The following RRM1 variants were observed in gnomAD, a reference collection of about 807,000 sequenced individuals.
RRM1 encodes ribonucleotide reductase catalytic subunit M1, also known as ribonucleoside-diphosphate reductase large subunit.
A neutral mutation model predicts 101.5 loss-of-function variants in RRM1; 19 were observed. That is an observed-to-expected ratio of 0.19 (90% CI 0.13 to 0.27). The LOEUF (loss-of-function observed/expected upper bound fraction) is 0.27, where lower values mean the gene tolerates loss of function less well. RRM1 is among the 10% of genes least tolerant of loss of function. The probability of loss-of-function intolerance (pLI) is 1.00; values close to 1 mark genes in which losing one functional copy is unlikely to be tolerated. For synonymous variants in RRM1, 298 were observed against 323.4 expected, an observed-to-expected ratio of 0.92 and a Z score of 0.84; for missense variants, 500 against 962.9, an observed-to-expected ratio of 0.52 and a Z score of 6.36.
rs772514702 is a variant in RRM1 at position 4,123,330 on chromosome 11, C to G, written c.1266C>G (p.Thr422=). The part of the protein sequence containing the change: ...NRKSNQQNLG[T]IKCSNLCTEI... ...AGAGCAACCAGCAGAACCTGGGAAC[C>G]ATCAAATGCAGCAACCTGTGCACAG... The change falls in exon 12 of 19, where the codon ACC becomes ACG. Residue 422 remains threonine (T), a synonymous_variant. Coordinates refer to ENST00000300738, the MANE Select transcript of RRM1 (RefSeq NM_001033.5). 1.2e-6 allele frequency: 2 copies of G among 1,614,114 alleles called. No individual in the cohort carries two copies. The highest frequency in any genetic ancestry group is 1.7e-6 in the Non-Finnish European group (2 of 1,180,028).
At chr11:4,099,738 A>T (rs1414069182) in intron 1 of RRM1, among the ~76,000 whole-genome samples, 2 of 152,152 alleles carry the variant, frequency 1.3e-5, no homozygotes, top group African/African-American at 4.8e-5. Context: ...TGATGTGATA[A>T]AATCAACATC....
intron 16 of RRM1, 34 bp from the exon 17 acceptor site, chr11:4,133,529 T>G: frequency 7.5e-7 from 1 of 1,335,206 alleles, no homozygotes; most frequent in Non-Finnish European, 1.1e-6. Flanking sequence ...CACTGTTATT[T>G]ATTTCTTCAT....
chr11:4,117,344 T>G (rs973786124), intron 7 of RRM1, among the ~76,000 whole-genome samples: 18 of 152,234 alleles, frequency 1.2e-4, no homozygotes, highest in Non-Finnish European at 2.5e-4. Flanking sequence ...TCAAGAATTT[T>G]TATAGCAGCA....
chr11:4,097,871 T>C (rs2094545790), intron 1 of RRM1, among the ~76,000 whole-genome samples: 1 of 152,216 alleles, frequency 6.6e-6, no homozygotes, highest in African/African-American at 2.4e-5. Context: ...GGCAGCTCTA[T>C]CTTCAAAGAA....
intron 6 of RRM1, 109 bp downstream of exon 6, chr11:4,111,749 G>C: frequency 8.1e-7 from 1 of 1,230,460 alleles, no homozygotes; most frequent in Middle Eastern, 2.8e-4. Context: ...TAACATTTTG[G>C]ACTTTAGGTT....
intron 2 of RRM1, among the ~76,000 whole-genome samples, chr11:4,103,569 G>A (rs527558180): frequency 4.6e-4 from 70 of 152,238 alleles, no homozygotes; most frequent in African/African-American, 1.7e-3. Flanking sequence ...TTGAAAAACT[G>A]TCGGTGCACA....
At chr11:4,136,713 C>T (rs142278085) in intron 18 of RRM1, among the ~76,000 whole-genome samples, 9 of 151,220 alleles carry the variant, frequency 6.0e-5, no homozygotes, top group Non-Finnish European at 8.8e-5. Context: ...TGAGCCACAG[C>T]GCCCAGCCAG....
chr11:4,131,690 T>G (rs1483360470), intron 15 of RRM1, among the ~76,000 whole-genome samples: 2 of 152,242 alleles, frequency 1.3e-5, no homozygotes, highest in African/African-American at 4.8e-5. Context: ...ATAGTGTATT[T>G]TCTCTTATTA....
rs767368255 is a variant in RRM1, at chr11:4,126,749, C to G, written c.1386C>G (p.Asp462Glu). Residue 462 changes from aspartate to glutamate, a missense_variant, in exon 13 of 19, where the codon GAC becomes GAG. This residue lies in a region of RRM1 where 80 missense variants were observed against 170.9 expected (regional missense o/e 0.47). Transcript: ENST00000300738. ...ATGTCACATCAGAACACACATACGACTTTAAGAAGTTGGCTGAAGTCACTA... is the reference window on the plus strand; with the variant it reads ...ATGTCACATCAGAACACACATACGAGTTTAAGAAGTTGGCTGAAGTCACTA... ...NMYVTSEHTY[D>E]FKKLAEVTKV... is the part of the protein sequence containing the mutation. 54 of 1,613,740 alleles carry G rather than the reference C, an allele frequency of 3.3e-5. 1 individual carries two copies. The East Asian group carries it at 1.1e-3, about 34-fold the overall frequency.
chr11:4,095,090 G>A, intron 1 of RRM1, 59 bp downstream of exon 1: 4 of 1,539,014 alleles, frequency 2.6e-6, no homozygotes, highest in Non-Finnish European at 3.5e-6. Context: ...TGCCGCCGCC[G>A]GAGCTGATGC....
At chr11:4,120,027 T>A in intron 9 of RRM1, 99 bp downstream of exon 9, 1 of 702,888 alleles carries the variant, frequency 1.4e-6, no homozygotes. Flanking sequence ...CTAATTACCT[T>A]TTTTTTACTT....
At chr11:4,101,438 G>T (rs1469457224) in intron 1 of RRM1, among the ~76,000 whole-genome samples, 1 of 151,616 alleles carries the variant, frequency 6.6e-6, no homozygotes, top group Non-Finnish European at 1.5e-5. Context: ...TTAGCCTCCC[G>T]AATAGCTGGG....
rs2094602315 is a variant in RRM1 at position 4,132,592 on chromosome 11, T to G, written c.1905+171T>G. On this transcript the variant is annotated intron_variant, in intron 16 of 18. Transcript: ENST00000300738. This position sits in a 1 kb window ranked among gnomAD's most constrained non-coding sequence, Gnocchi z 4.1. ...ATTTGTTATTAATATTTCAGCACAA[T>G]AGGCATTTAATAAATAATCTGTTGA... Among the ~76,000 whole-genome samples the G allele has an allele frequency of 6.6e-6, 1 of 152,194 alleles. No individual in the cohort carries two copies. The highest frequency in any genetic ancestry group is 2.1e-4 in the South Asian group (1 of 4,832).
At chr11:4,115,507 CAAA>C (rs1217828429) in intron 7 of RRM1, among the ~76,000 whole-genome samples, 3 of 105,174 alleles carry the variant, frequency 2.9e-5, no homozygotes, top group African/African-American at 3.4e-5. Context: ...GGGAGCACTC[CAAA>C]AAAAAAAAAA....
At chr11:4,134,115 TG>T (rs1276172318) in intron 17 of RRM1, among the ~76,000 whole-genome samples, 1 of 150,688 alleles carries the variant, frequency 6.6e-6, no homozygotes, top group Non-Finnish European at 1.5e-5. Flanking sequence ...CCCAAGTAGC[TG>T]GGATTACAGG....
chr11:4,127,030 C>CA lies in RRM1; in HGVS notation c.1471-2dup. The CA allele has an allele frequency of 6.2e-7, 1 of 1,600,300 alleles. No homozygotes were observed. On this transcript the variant is annotated splice_polypyrimidine_tract_variant and splice_region_variant and intron_variant, in intron 13 of 18. Transcript: ENST00000300738. ...TCCTTTTCTTTAAAATCTGTTGACA[C>CA]AAAGGCATGCCTATCAAATAAACGC...
At chr11:4,098,528 G>A (rs2094546694) in intron 1 of RRM1, among the ~76,000 whole-genome samples, 2 of 151,936 alleles carry the variant, frequency 1.3e-5, no homozygotes, top group African/African-American at 2.4e-5. Flanking sequence ...GGCAGACATG[G>A]TTCCAGCTTC....
intron 18 of RRM1, among the ~76,000 whole-genome samples, chr11:4,135,584 C>T (rs1036898641): frequency 2.0e-5 from 3 of 152,050 alleles, no homozygotes; most frequent in Non-Finnish European, 4.4e-5. Flanking sequence ...AAATATCTTC[C>T]TTCCTTTTCT....
At chr11:4,102,774 T>G (rs975590775) in intron 2 of RRM1, among the ~76,000 whole-genome samples, 1 of 152,216 alleles carries the variant, frequency 6.6e-6, no homozygotes, top group African/African-American at 2.4e-5. Context: ...TAATATAAAG[T>G]AGATTTCATG....
Sources: allele counts gnomAD v4.1 joint callset (sites outside exome capture counted in the v4.1 genomes callset), GRCh38; gene constraint gnomAD v4.1.1; regional missense constraint gnomAD v4.1.1; non-coding constraint Gnocchi (gnomAD v3.1); transcripts MANE v1.5; gene names NCBI Gene and HGNC (gene_info 2026-07-23, HGNC 2026-07-21).